MGST1: variants seen among roughly 807,000 people sequenced by gnomAD.
MGST1 encodes the protein glutathione S-transferase 12.
Under a neutral mutation model 8.9 loss-of-function variants are expected in MGST1, and 5 were observed. That is an observed-to-expected ratio of 0.56 (90% CI 0.29 to 1.19). The LOEUF (loss-of-function observed/expected upper bound fraction) is 1.19. Ranked by LOEUF, MGST1 falls within the 50% of genes most tolerant of loss-of-function variation. MGST1 has a pLI of 0.08. For missense variants in MGST1, 182 were observed against 187.4 expected (o/e 0.97, Z 0.17); for synonymous variants, 54 against 67.8 (o/e 0.80, Z 1.00).
At chr12:16,451,298 C>CA (rs778097624) in intron 4 of MGST1, among the ~76,000 whole-genome samples, 1 of 151,818 alleles carries the variant, frequency 6.6e-6, no homozygotes, top group African/African-American at 2.4e-5. Flanking sequence ...GCTCCAAAGA[C>CA]AAAAACTAGG....
At chr12:16,553,479 G>A (rs1453849044) in intron 4 of MGST1, among the ~76,000 whole-genome samples, 1 of 152,076 alleles carries the variant, frequency 6.6e-6, no homozygotes, top group Non-Finnish European at 1.5e-5. Context: ...GAGGCAGAGC[G>A]AGAGAGAGAC....
chr12:16,386,693 G>T (rs765162374), intron 1 of MGST1, among the ~76,000 whole-genome samples: 24 of 152,186 alleles, frequency 1.6e-4, no homozygotes, highest in Non-Finnish European at 3.1e-4. Context: ...ACTGTGTACA[G>T]TAGGCCCCCT....
rs1941373244 is a variant in MGST1, at chr12:16,482,769, A to C, written n.482+99165A>C. Among the ~76,000 whole-genome samples, 1 of 152,240 alleles carries C rather than the reference A, an allele frequency of 6.6e-6. No individual in the cohort carries two copies. The highest frequency in any genetic ancestry group is 2.4e-5 in the African/African-American group (1 of 41,468). On this transcript the variant is annotated intron_variant and non_coding_transcript_variant, in intron 4 of 4. Coordinates refer to the MGST1 transcript ENST00000538857. The surrounding 1 kb of genome is among the most constrained non-coding windows in gnomAD (Gnocchi z 4.2). ...GCTGAGATACGCAAAGGATTAGACT[A>C]TCATGTCGGATACACCGAAATCAGA...
chr12:16,542,588 A>C (rs1941799098), intron 4 of MGST1, among the ~76,000 whole-genome samples: 1 of 152,164 alleles, frequency 6.6e-6, no homozygotes, highest in Admixed American at 6.5e-5. Context: ...ACGTTCAGTC[A>C]ACTACCATTT....
intron 1 of MGST1, among the ~76,000 whole-genome samples, chr12:16,408,241 G>A (rs182684734): frequency 1.3e-5 from 2 of 152,010 alleles, no homozygotes; most frequent in East Asian, 3.9e-4. Context: ...GGAGGAGGGA[G>A]AGAAGCAAAA....
chr12:16,377,156 T>G (rs2137033849), exon 4 of MGST1: 1 of 152,124 alleles, frequency 6.6e-6, no homozygotes, highest in East Asian at 1.9e-4. Context: ...TTTTTTAAAT[T>G]TTATTATTAT....
At chr12:16,433,836 A>G (rs1008178414) in intron 1 of MGST1, among the ~76,000 whole-genome samples, 4 of 152,072 alleles carry the variant, frequency 2.6e-5, no homozygotes, top group South Asian at 2.1e-4. Context: ...CCAGTTGATT[A>G]TATGTATGTT....
At chr12:16,540,782 T>C (rs962795576) in intron 4 of MGST1, among the ~76,000 whole-genome samples, 4 of 152,076 alleles carry the variant, frequency 2.6e-5, no homozygotes, top group African/African-American at 9.7e-5. Context: ...AATACAAAAA[T>C]TAGCTGGGCA....
intron 4 of MGST1, among the ~76,000 whole-genome samples, chr12:16,566,331 A>C (rs2137389099): frequency 6.6e-6 from 1 of 152,032 alleles, no homozygotes; most frequent in South Asian, 2.1e-4. Flanking sequence ...GTGTTCTGTT[A>C]TTGCACAGTA....
intron 3 of MGST1, among the ~76,000 whole-genome samples, chr12:16,371,122 G>A (rs1940285534): frequency 1.3e-5 from 2 of 151,986 alleles, no homozygotes; most frequent in Admixed American, 1.3e-4. Flanking sequence ...CACTTGAATA[G>A]ACCAGTAACT....
At chr12:16,424,871 C>T (rs1370235226) in intron 1 of MGST1, among the ~76,000 whole-genome samples, 1 of 152,166 alleles carries the variant, frequency 6.6e-6, no homozygotes, top group African/African-American at 2.4e-5. Flanking sequence ...CAGATCAAGT[C>T]TGTATGAATG....
chr12:16,423,790 C>G (rs1940862797), intron 1 of MGST1, among the ~76,000 whole-genome samples: 1 of 152,162 alleles, frequency 6.6e-6, no homozygotes, highest in South Asian at 2.1e-4. Flanking sequence ...TAAGGTAAGT[C>G]AATTCTATGC....
Position 16,347,925 on chromosome 12 carries a change from A to G in MGST1, c.-23+215A>G, listed in dbSNP as rs1248157213. The stretch of plus-strand genomic sequence containing the variant: ...TAAGTTTTCCCATTTCTCAAACTCC[A>G]GGAATGAAACGAGAGAGTCTTTTCA... On this transcript the variant is annotated intron_variant, in intron 1 of 3. Transcript: ENST00000396210. This position sits in a 1 kb window ranked among gnomAD's most constrained non-coding sequence, Gnocchi z 4.0. 1 of 152,244 alleles carries G rather than the reference A, an allele frequency of 6.6e-6. No individual in the cohort carries two copies. Among genetic ancestry groups the G allele is most frequent in the East Asian group, 1.9e-4 (1 of 5,200 alleles). 9.4% of individuals were successfully genotyped at this position (152,244 alleles called of 1,614,324 possible). A position where few individuals can be genotyped will look rare whatever the true frequency, so the allele number is the denominator to read the frequency against.
chr12:16,485,910 A>G (rs1043262248), intron 4 of MGST1, among the ~76,000 whole-genome samples: 1 of 152,232 alleles, frequency 6.6e-6, no homozygotes, highest in Non-Finnish European at 1.5e-5. Flanking sequence ...TTACAAAGTA[A>G]AAGCAAAAAT....
chr12:16,588,932 C>T (rs147548208), intron 4 of MGST1, among the ~76,000 whole-genome samples: 1,953 of 152,120 alleles, frequency 0.013, 23 homozygotes, highest in Admixed American at 0.02. Context: ...CAATGTGTAC[C>T]GCTCTTTCCC....
At chr12:16,426,718 G>A (rs1193858208) in intron 1 of MGST1, among the ~76,000 whole-genome samples, 4 of 152,094 alleles carry the variant, frequency 2.6e-5, no homozygotes, top group Admixed American at 6.5e-5. Flanking sequence ...TTGGGAGGCC[G>A]AGGCGGGCGG....
intron 4 of MGST1, among the ~76,000 whole-genome samples, chr12:16,573,035 T>G (rs774127161): frequency 6.6e-6 from 1 of 151,984 alleles, no homozygotes; most frequent in Non-Finnish European, 1.5e-5. Context: ...GTTTTTATTA[T>G]GTGTTTCTCT....
rs536223321 is a variant in MGST1, at chr12:16,480,438, G to T, written n.482+96834G>T. ...TTACAGGCATAAGCCACCGTGGTCG[G>T]CCAGAAATTTGCTTTTTAAAAGACA... On this transcript the variant is annotated intron_variant and non_coding_transcript_variant, in intron 4 of 4. Coordinates refer to the MGST1 transcript ENST00000538857. Among the ~76,000 whole-genome samples the T allele has an allele frequency of 3.3e-5, 5 of 152,222 alleles. No individual in the cohort carries two copies. The South Asian group carries it at 1.0e-3, about 32-fold the overall frequency.
chr12:16,562,862 T>C (rs1314221197), intron 4 of MGST1, among the ~76,000 whole-genome samples: 1 of 152,232 alleles, frequency 6.6e-6, no homozygotes, highest in East Asian at 1.9e-4. Context: ...CTGCTACCAG[T>C]GTACTTTCCA....
Sources: allele counts gnomAD v4.1 joint callset (sites outside exome capture counted in the v4.1 genomes callset), GRCh38; gene constraint gnomAD v4.1.1; non-coding constraint Gnocchi (gnomAD v3.1); transcripts MANE v1.5; gene names NCBI Gene and HGNC (gene_info 2026-07-23, HGNC 2026-07-21).